Variants in NALF1 observed in about 807,000 individuals in gnomAD.
NALF1 encodes the protein family with sequence similarity 155 member A.
NALF1 carries 3 observed loss-of-function variants against 48.4 expected under a neutral mutation model. That is an observed-to-expected ratio of 0.06 (90% CI 0.03 to 0.16). NALF1 has a LOEUF of 0.16. Among genes scored for constraint, NALF1 ranks in the 10% least tolerant of loss-of-function variants. NALF1 has a pLI of 1.00. For missense variants in NALF1, 526 were observed against 571.5 expected (o/e 0.92, Z 0.81); for synonymous variants, 262 against 245.7 (o/e 1.07, Z -0.62).
intron 1 of NALF1, among the ~76,000 whole-genome samples, chr13:107,213,708 AG>A (rs2138807956): frequency 6.6e-6 from 1 of 152,382 alleles, no homozygotes; most frequent in South Asian, 2.1e-4. Context: ...AAAATATTTC[AG>A]AATAAACTGG....
chr13:107,782,298 G>A (rs142191327), intron 1 of NALF1, among the ~76,000 whole-genome samples: 1,980 of 152,292 alleles, frequency 0.013, 27 homozygotes, highest in African/African-American at 0.043. Flanking sequence ...CGAGTGATCC[G>A]CCAGCCTCGG....
chr13:107,657,592 G>T, intron 1 of NALF1, among the ~76,000 whole-genome samples: 1 of 152,194 alleles, frequency 6.6e-6, no homozygotes, highest in African/African-American at 2.4e-5. Flanking sequence ...TTAACGCTGT[G>T]GGTAGGAAGT....
chr13:107,409,304 G>A (rs1883950434), intron 1 of NALF1, among the ~76,000 whole-genome samples: 2 of 152,136 alleles, frequency 1.3e-5, no homozygotes, highest in Non-Finnish European at 2.9e-5. Context: ...AAACAGAACT[G>A]AACCCTCTTT....
intron 1 of NALF1, among the ~76,000 whole-genome samples, chr13:107,812,632 T>A (rs538259810): frequency 6.6e-6 from 1 of 152,324 alleles, no homozygotes; most frequent in East Asian, 1.9e-4. Flanking sequence ...ATTTAGCATG[T>A]AAAACTTCTT....
Position 107,212,935 on chromosome 13 carries a change from A to G in NALF1, c.916-2180T>C, listed in dbSNP as rs962296020. On this transcript the variant is annotated intron_variant, in intron 1 of 2. Transcript: ENST00000375915. ...ATGCCAGAAAGTGGCTCATGTTTTCATTGGCCAAATTGGGGTCCCCATTCC... is the reference window on the plus strand; with the variant it reads ...ATGCCAGAAAGTGGCTCATGTTTTCGTTGGCCAAATTGGGGTCCCCATTCC... 3.3e-5 allele frequency among the ~76,000 whole-genome samples: 5 copies of G among 152,186 alleles called. No homozygotes were observed. The South Asian group carries it at 6.2e-4, about 19-fold the overall frequency.
At chr13:107,725,882 A>T (rs183700055) in intron 1 of NALF1, among the ~76,000 whole-genome samples, 122 of 152,184 alleles carry the variant, frequency 8.0e-4, no homozygotes, top group Non-Finnish European at 1.6e-3. Flanking sequence ...TTTTTTTCAT[A>T]TTGCCGAGTA....
chr13:107,653,594 T>C (rs894800750), intron 1 of NALF1, among the ~76,000 whole-genome samples: 2 of 152,016 alleles, frequency 1.3e-5, no homozygotes, highest in East Asian at 1.9e-4. Context: ...TTCATATAGA[T>C]AGGCCATCCC....
At chr13:107,340,316 T>C (rs1367518216) in intron 1 of NALF1, among the ~76,000 whole-genome samples, 1 of 151,976 alleles carries the variant, frequency 6.6e-6, no homozygotes, top group African/African-American at 2.4e-5. Context: ...AATTTTTGTA[T>C]GTTTAGTAGA....
chr13:107,687,825 T>C (rs1339011843), intron 1 of NALF1, among the ~76,000 whole-genome samples: 1 of 152,162 alleles, frequency 6.6e-6, no homozygotes, highest in East Asian at 1.9e-4. Flanking sequence ...TGTCAAGTGC[T>C]CAGTAGCCAC....
intron 1 of NALF1, among the ~76,000 whole-genome samples, chr13:107,305,066 C>T (rs114789615): frequency 1.1e-3 from 168 of 152,278 alleles, no homozygotes; most frequent in African/African-American, 3.9e-3. Flanking sequence ...ACAAAATCAA[C>T]ATTTACATTC....
intron 1 of NALF1, among the ~76,000 whole-genome samples, chr13:107,369,763 T>C (rs1195931176): frequency 6.6e-6 from 1 of 152,168 alleles, no homozygotes; most frequent in Non-Finnish European, 1.5e-5. Flanking sequence ...AGTGATATTA[T>C]GAAAATAATT....
At chr13:107,372,774 A>G (rs1009089495) in intron 1 of NALF1, among the ~76,000 whole-genome samples, 1 of 152,214 alleles carries the variant, frequency 6.6e-6, no homozygotes, top group African/African-American at 2.4e-5. Context: ...AGTTGCAATA[A>G]TGTATCATCA....
At chr13:107,849,958 A>G (rs1050495174) in intron 1 of NALF1, among the ~76,000 whole-genome samples, 4 of 152,214 alleles carry the variant, frequency 2.6e-5, no homozygotes, top group Non-Finnish European at 5.9e-5. Context: ...TCAGGCTAAT[A>G]CTTTTAGTAA....
chr13:107,603,682 C>T (rs1231348224), intron 1 of NALF1, among the ~76,000 whole-genome samples: 1 of 152,160 alleles, frequency 6.6e-6, no homozygotes, highest in Non-Finnish European at 1.5e-5. Flanking sequence ...AAGATTAAAA[C>T]TAAAATCCTT....
chr13:107,850,992 G>A (rs999090725), intron 1 of NALF1, among the ~76,000 whole-genome samples: 4 of 152,202 alleles, frequency 2.6e-5, no homozygotes, highest in Middle Eastern at 3.4e-3. Context: ...GTGATTTGTC[G>A]GAGGTTATAA....
At chr13:107,238,882 A>T (rs1880407691) in intron 1 of NALF1, among the ~76,000 whole-genome samples, 1 of 152,140 alleles carries the variant, frequency 6.6e-6, no homozygotes, top group South Asian at 2.1e-4. Context: ...AGGATTTTTA[A>T]AAAGGGGGAC....
chr13:107,622,579 C>G (rs1327118350), intron 1 of NALF1, among the ~76,000 whole-genome samples: 1 of 152,058 alleles, frequency 6.6e-6, no homozygotes, highest in East Asian at 1.9e-4. Flanking sequence ...AGGTAAGCTA[C>G]TGAAAAGAGA....
At chr13:107,182,018 C>G (rs7325837) in intron 2 of NALF1, among the ~76,000 whole-genome samples, 19 of 151,638 alleles carry the variant, frequency 1.3e-4, no homozygotes, top group Admixed American at 9.8e-4. Flanking sequence ...TTTCTTTATA[C>G]TTTTCTCTGT....
intron 1 of NALF1, among the ~76,000 whole-genome samples, chr13:107,270,444 G>T (rs1051229412): frequency 1.3e-5 from 2 of 151,968 alleles, no homozygotes; most frequent in African/African-American, 4.8e-5. Flanking sequence ...GTACTAATAT[G>T]AAGTTAATAA....
Sources: gnomAD v4.1 joint callset for allele counts (sites outside exome capture counted in the v4.1 genomes callset) on GRCh38, gnomAD v4.1.1 for gene constraint, MANE v1.5 for transcripts, NCBI Gene and HGNC (gene_info 2026-07-23, HGNC 2026-07-21) for gene names.